STK38: variants seen among roughly 807,000 people sequenced by gnomAD.
STK38 encodes serine/threonine-protein kinase 38.
Under a neutral mutation model 59.0 loss-of-function variants are expected in STK38, and 26 were observed. That is an observed-to-expected ratio of 0.44 (90% CI 0.32 to 0.61). The LOEUF (loss-of-function observed/expected upper bound fraction) is 0.61, where lower values mean the gene tolerates loss of function less well. STK38 is among the 20% of genes least tolerant of loss of function. The pLI is 0.04. For missense variants in STK38, 433 were observed against 566.0 expected, an observed-to-expected ratio of 0.76 and a Z score of 2.38; for synonymous variants, 175 against 176.6, an observed-to-expected ratio of 0.99 and a Z score of 0.07.
At chr6:36,497,928 G>T in intron 11 of STK38, 53 bp from the exon 12 acceptor site, 840 of 852,226 alleles carry the variant, frequency 9.9e-4, no homozygotes, top group Non-Finnish European at 1.3e-3. Context: ...CTCAGAAAAA[G>T]AAAAACTTTC....
rs1173542359 is a variant in STK38 at position 36,494,949 on chromosome 6, T to C, written c.*835A>G. ...TTCCCATTGGCAGCACTTGCAGGTA[T>C]TGCTAGTCCACGGCAAGATCTGTCT... On this transcript the variant is annotated 3_prime_UTR_variant, in exon 14 of 14. Coordinates refer to ENST00000229812, the MANE Select transcript of STK38 (RefSeq NM_007271.4). The C allele has an allele frequency of 6.6e-6, 1 of 152,244 alleles. No individual in the cohort carries two copies. The highest frequency in any genetic ancestry group is 1.5e-5 in the Non-Finnish European group (1 of 68,054). 9.4% of individuals were successfully genotyped at this position (152,244 alleles called of 1,614,324 possible).
rs545879348 is a variant in STK38 at position 36,515,618 on chromosome 6, A to C, written c.515-126T>G. 224 of 1,498,716 alleles carry C rather than the reference A, an allele frequency of 1.5e-4. 4 individuals carry two copies. The South Asian group carries it at 2.6e-3, about 17-fold the overall frequency. 92.8% of individuals were successfully genotyped at this position (1,498,716 alleles called of 1,614,324 possible). A position where few individuals can be genotyped will look rare whatever the true frequency, so the allele number is the denominator to read the frequency against. Reference sequence around the variant, plus strand: ...CCTATCTGCCAAAATAAGGCGGCTAAACAGACCTCTTCTGTGTGCCAGAGA... The same window carrying C: ...CCTATCTGCCAAAATAAGGCGGCTACACAGACCTCTTCTGTGTGCCAGAGA... On this transcript the variant is annotated intron_variant, in intron 6 of 13. Coordinates refer to ENST00000229812, the MANE Select transcript of STK38 (RefSeq NM_007271.4).
At chr6:36,515,729 T>C (rs1777235551) in intron 6 of STK38, among the ~76,000 whole-genome samples, 1 of 152,206 alleles carries the variant, frequency 6.6e-6, no homozygotes, top group Admixed American at 6.5e-5. Flanking sequence ...ATTTCTATTT[T>C]ACTTTTGAGA....
intron 12 of STK38, among the ~76,000 whole-genome samples, chr6:36,497,562 C>T (rs1415406648): frequency 6.6e-6 from 1 of 152,216 alleles, no homozygotes; most frequent in Non-Finnish European, 1.5e-5. Context: ...GTTCACTTCA[C>T]TTTGTAAATA....
intron 2 of STK38, among the ~76,000 whole-genome samples, chr6:36,530,825 G>A (rs922176813): frequency 2.0e-5 from 3 of 151,872 alleles, no homozygotes; most frequent in East Asian, 1.9e-4. Flanking sequence ...GAGTAGCTGG[G>A]ATTACCGGCA....
rs948362499 is a variant in STK38 at position 36,494,258 on chromosome 6, T to C, written c.*1526A>G. 3 of 152,666 alleles carry C rather than the reference T, an allele frequency of 2.0e-5. No homozygotes were observed. Among genetic ancestry groups the C allele is most frequent in the Non-Finnish European group, 4.4e-5 (3 of 68,056 alleles). 9.5% of individuals were successfully genotyped at this position (152,666 alleles called of 1,614,324 possible). On this transcript the variant is annotated 3_prime_UTR_variant, in exon 14 of 14. Coordinates refer to ENST00000229812, the MANE Select transcript of STK38 (RefSeq NM_007271.4). ...GTTTCACTGACAACTGTAACTCTGA[T>C]ATTCCATTTTTCTCTTCTGAATGGC...
At position 36,495,003 on chromosome 6, in the gene STK38, G is replaced by C. The variant is rs1776665881; in HGVS notation, c.*781C>G. On this transcript the variant is annotated 3_prime_UTR_variant, in exon 14 of 14. Transcript: ENST00000229812. ...GGATTTTCTGGTACAGCCGTGAAGAGAAAGTGAGGGTTTTCCACATAATCC... is the reference window on the plus strand; with the variant it reads ...GGATTTTCTGGTACAGCCGTGAAGACAAAGTGAGGGTTTTCCACATAATCC... 1 of 152,432 alleles carries C rather than the reference G, an allele frequency of 6.6e-6. No homozygotes were observed. Among genetic ancestry groups the C allele is most frequent in the Non-Finnish European group, 1.5e-5 (1 of 68,048 alleles). 9.4% of individuals were successfully genotyped at this position (152,432 alleles called of 1,614,324 possible). A position where few individuals can be genotyped will look rare whatever the true frequency, so the allele number is the denominator to read the frequency against.
rs76730170 is a variant in STK38 at position 36,512,808 on chromosome 6, G to A, written c.669+2530C>T. 1.0e-4 allele frequency among the ~76,000 whole-genome samples: 15 copies of A among 150,590 alleles called. No homozygotes were observed. The East Asian group carries it at 2.2e-3, about 22-fold the overall frequency. On this transcript the variant is annotated intron_variant, in intron 7 of 13. Transcript: ENST00000229812. Reference sequence around the variant, plus strand: ...CCCGAGTAGCTGGGATTACAGGCACGTGCCACCACACCCAGCTAATTTTTT... The same window carrying A: ...CCCGAGTAGCTGGGATTACAGGCACATGCCACCACACCCAGCTAATTTTTT...
At chr6:36,519,167 G>A (rs1394313240) in intron 5 of STK38, among the ~76,000 whole-genome samples, 1 of 152,130 alleles carries the variant, frequency 6.6e-6, no homozygotes, top group East Asian at 1.9e-4. Flanking sequence ...TTTAAAAGCT[G>A]CAACTGTACA....
At chr6:36,527,207 A>AAAAAATATATATAT (rs60162863) in intron 2 of STK38, among the ~76,000 whole-genome samples, 6 of 119,352 alleles carry the variant, frequency 5.0e-5, no homozygotes, top group Admixed American at 4.1e-4. Flanking sequence ...AAAAAAAAAA[A>AAAAAATATATATAT]ATATATGTAT....
chr6:36,515,624 C>T, intron 6 of STK38, 132 bp from the exon 7 acceptor site: 1 of 1,467,890 alleles, frequency 6.8e-7, no homozygotes. Flanking sequence ...GCTAAACAGA[C>T]CTCTTCTGTG....
intron 2 of STK38, among the ~76,000 whole-genome samples, chr6:36,535,365 C>T (rs1038607119): frequency 2.0e-5 from 3 of 152,100 alleles, no homozygotes; most frequent in East Asian, 3.9e-4. Flanking sequence ...AGGAGAATTG[C>T]TTGAACATGG....
At chr6:36,521,949 C>A in intron 4 of STK38, 132 bp from the exon 5 acceptor site, 1 of 650,800 alleles carries the variant, frequency 1.5e-6, no homozygotes, top group Non-Finnish European at 2.5e-6. Context: ...AATAACAAAG[C>A]AGAAGAAAAT....
intron 10 of STK38, among the ~76,000 whole-genome samples, chr6:36,499,311 G>C (rs939468590): frequency 1.3e-5 from 2 of 152,116 alleles, no homozygotes; most frequent in African/African-American, 4.8e-5. Flanking sequence ...CCTCCAGACG[G>C]TGTACGCCCA....
rs750676892 is a variant in STK38, at chr6:36,540,209, T to C, written c.-5-2A>G. ...TTGAGCCTGTCATTGCCATGGCTGC[T>C]AGAAACAAAGAAAAGAAGAGGTGTT... On this transcript the variant is annotated splice_acceptor_variant, in intron 1 of 13. Transcript: ENST00000229812. LOFTEE classifies it low-confidence loss of function (5UTR_SPLICE). The C allele has an allele frequency of 2.5e-6, 4 of 1,613,698 alleles. No individual in the cohort carries two copies. Among genetic ancestry groups the C allele is most frequent in the Admixed American group, 1.7e-5 (1 of 59,982 alleles).
At chr6:36,522,207 T>C (rs1777392387) in intron 4 of STK38, 1 of 167,130 alleles carries the variant, frequency 6.0e-6, no homozygotes, top group South Asian at 1.4e-4. Context: ...CATGGTGGTG[T>C]ATACCTGTAG....
At chr6:36,525,680 T>C (rs765864304) in intron 2 of STK38, 38 bp from the exon 3 acceptor site, 59 of 1,553,894 alleles carry the variant, frequency 3.8e-5, no homozygotes, top group Non-Finnish European at 5.1e-5. Flanking sequence ...AAATCACATC[T>C]GAATGATAAC....
At chr6:36,514,758 G>A (rs952913671) in intron 7 of STK38, among the ~76,000 whole-genome samples, 3 of 150,048 alleles carry the variant, frequency 2.0e-5, no homozygotes, top group South Asian at 4.2e-4. Flanking sequence ...GAGGCAATGA[G>A]AATCGCTTGA....
intron 12 of STK38, 126 bp from the exon 13 acceptor site, chr6:36,496,931 ATT>A: frequency 1.6e-6 from 1 of 625,670 alleles, no homozygotes; most frequent in Non-Finnish European, 2.6e-6. Context: ...GGCAGCATTT[ATT>A]TTCTCTGAAA....
Sources: allele counts gnomAD v4.1 joint callset (sites outside exome capture counted in the v4.1 genomes callset), GRCh38; gene constraint gnomAD v4.1.1; transcripts MANE v1.5; gene names NCBI Gene and HGNC (gene_info 2026-07-23, HGNC 2026-07-21).